The following VAT1L variants were observed in gnomAD, a reference collection of about 807,000 sequenced individuals.
VAT1L encodes the protein putative NADPH-dependent quinone oxidoreductase VAT1L.
VAT1L carries 34 observed loss-of-function variants against 44.1 expected under a neutral mutation model. The ratio of observed to expected loss-of-function variants is 0.77; its 90% CI spans 0.59 to 1.03. The LOEUF (loss-of-function observed/expected upper bound fraction) is 1.03. Among genes scored for constraint, VAT1L ranks in the 50% least tolerant of loss-of-function variants. The pLI is 0.00. For missense variants in VAT1L, 615 were observed against 538.8 expected, an observed-to-expected ratio of 1.14 and a Z score of -1.40; for synonymous variants, 253 against 202.2, an observed-to-expected ratio of 1.25 and a Z score of -2.13.
At chr16:77,956,226 A>T (rs930109565) in intron 7 of VAT1L, among the ~76,000 whole-genome samples, 1 of 152,132 alleles carries the variant, frequency 6.6e-6, no homozygotes, top group African/African-American at 2.4e-5. Flanking sequence ...CACAAAGATT[A>T]AAAATTTTAA....
chr16:77,809,205 T>C (rs1434374507), intron 1 of VAT1L, among the ~76,000 whole-genome samples: 2 of 152,198 alleles, frequency 1.3e-5, no homozygotes, highest in Admixed American at 6.5e-5. Context: ...GGGGGTAATA[T>C]TGTTGATCTC....
intron 7 of VAT1L, among the ~76,000 whole-genome samples, chr16:77,904,441 A>G (rs1047487293): frequency 6.6e-5 from 10 of 152,146 alleles, no homozygotes; most frequent in Admixed American, 6.5e-4. Context: ...GTGTCAGCTA[A>G]TTTGGTTCCT....
rs773515257 is a variant in VAT1L at position 77,977,659 on chromosome 16, C to A, written c.1224C>A (p.Asp408Glu). The A allele has an allele frequency of 1.2e-6, 2 of 1,613,958 alleles. No homozygotes were observed. The highest frequency in any genetic ancestry group is 2.7e-5 in the African/African-American group (2 of 74,914). The change falls in exon 9 of 9, where the codon GAC becomes GAA. Residue 408 changes from aspartate to glutamate, a missense_variant. Coordinates refer to ENST00000302536, the MANE Select transcript of VAT1L (RefSeq NM_020927.3). Reference protein sequence around the residue: ...AGEEEEDHEGDSENKERMPFI... With the variant: ...AGEEEEDHEGESENKERMPFI... The stretch of plus-strand genomic sequence containing the variant: ...AAGAGGAGGAGGACCACGAGGGAGA[C>A]AGCGAGAACAAGGAGCGGATGCCCT...
At chr16:77,839,263 C>T (rs1187548169) in intron 3 of VAT1L, among the ~76,000 whole-genome samples, 1 of 151,834 alleles carries the variant, frequency 6.6e-6, no homozygotes, top group East Asian at 1.9e-4. Flanking sequence ...CGGCCGGGCG[C>T]GATGGCTCAC....
chr16:77,869,805 C>T (rs978970992), intron 4 of VAT1L, among the ~76,000 whole-genome samples: 1 of 152,162 alleles, frequency 6.6e-6, no homozygotes, highest in African/African-American at 2.4e-5. Flanking sequence ...GAATCAAACT[C>T]CCGATCGAGG....
intron 7 of VAT1L, among the ~76,000 whole-genome samples, chr16:77,966,261 T>C (rs967438802): frequency 1.3e-5 from 2 of 152,302 alleles, no homozygotes; most frequent in East Asian, 3.9e-4. Flanking sequence ...GAGAGGCTGA[T>C]GTGTAACTTA....
intron 3 of VAT1L, among the ~76,000 whole-genome samples, chr16:77,830,203 A>C (rs1341580818): frequency 6.6e-6 from 1 of 152,170 alleles, no homozygotes; most frequent in East Asian, 1.9e-4. Flanking sequence ...AATGTAATCT[A>C]ATAGCATCAA....
rs997282799 is a variant in VAT1L, at chr16:77,979,871, C to T, written c.*2176C>T. 1.3e-5 allele frequency: 2 copies of T among 152,618 alleles called. No homozygotes were observed. Among genetic ancestry groups the T allele is most frequent in the Non-Finnish European group, 1.5e-5 (1 of 68,036 alleles). The allele number at this position is 152,618 out of a possible 1,614,324, so 9.5% of individuals were successfully genotyped here. On this transcript the variant is annotated 3_prime_UTR_variant, in exon 9 of 9. Coordinates refer to ENST00000302536, the MANE Select transcript of VAT1L (RefSeq NM_020927.3). ...GCAAGTTAATTGTTTAACGTACTCT[C>T]ATTTTAAGCACCTTCTTTCCTGTCT...
intron 7 of VAT1L, among the ~76,000 whole-genome samples, chr16:77,893,237 G>T (rs2017287258): frequency 6.6e-6 from 1 of 152,146 alleles, no homozygotes; most frequent in African/African-American, 2.4e-5. Flanking sequence ...GCAATTTTGG[G>T]GGCATGAATA....
At chr16:77,862,947 G>A (rs1282760960) in intron 4 of VAT1L, 57 bp downstream of exon 4, 9 of 1,565,398 alleles carry the variant, frequency 5.7e-6, no homozygotes, top group Admixed American at 3.9e-5. Context: ...CTCTCAAAGA[G>A]CAGTAGCACT....
In VAT1L at chr16:77,932,011, C is replaced by T. The variant is rs143842349; in HGVS notation, c.1078-39839C>T. ...TGCCTTGGATTTTCATTCATTCATC[C>T]ACGCCTGAGCATTTAGTTCATGGGA... On this transcript the variant is annotated intron_variant, in intron 7 of 8. Transcript: ENST00000302536. Among the ~76,000 whole-genome samples, 351 of 152,202 alleles carry T rather than the reference C, an allele frequency of 2.3e-3. 2 individuals carry two copies. Among genetic ancestry groups the T allele is most frequent in the African/African-American group, 8.0e-3 (332 of 41,514 alleles).
At chr16:77,802,072 C>A (rs2016066694) in intron 1 of VAT1L, among the ~76,000 whole-genome samples, 1 of 152,186 alleles carries the variant, frequency 6.6e-6, no homozygotes, top group African/African-American at 2.4e-5. Context: ...ACTACTACTT[C>A]ATAGGAAATG....
chr16:77,972,289 G>C (rs1400764678), intron 8 of VAT1L, among the ~76,000 whole-genome samples: 1 of 152,066 alleles, frequency 6.6e-6, no homozygotes, highest in African/African-American at 2.4e-5. Flanking sequence ...AGCTGCTTCC[G>C]AGATGCTCCC....
chr16:77,809,580 C>T (rs1281381771), intron 1 of VAT1L, among the ~76,000 whole-genome samples: 1 of 152,124 alleles, frequency 6.6e-6, no homozygotes, highest in Non-Finnish European at 1.5e-5. Context: ...CCAGGATGTG[C>T]ACTTTCAGAA....
intron 6 of VAT1L, among the ~76,000 whole-genome samples, chr16:77,881,858 G>A (rs2017158662): frequency 1.3e-5 from 2 of 152,210 alleles, no homozygotes; most frequent in Non-Finnish European, 2.9e-5. Context: ...AGACTGCTGT[G>A]GGTAACCACA....
chr16:77,965,097 A>AT (rs79543353), intron 7 of VAT1L, among the ~76,000 whole-genome samples: 17 of 151,290 alleles, frequency 1.1e-4, no homozygotes, highest in South Asian at 8.4e-4. Flanking sequence ...CCTGTAGCAC[A>AT]TTTTTTTTTA....
Position 77,979,651 on chromosome 16 carries a change from G to C in VAT1L, c.*1956G>C, listed in dbSNP as rs10514435. The stretch of plus-strand genomic sequence containing the variant: ...TCACATCGCCTTTGTTATGTCCAGA[G>C]GAGAGGCATAAAAAGGCACTCTCCC... On this transcript the variant is annotated 3_prime_UTR_variant, in exon 9 of 9. Coordinates refer to ENST00000302536, the MANE Select transcript of VAT1L (RefSeq NM_020927.3). 0.28 allele frequency: 42,208 copies of C among 151,980 alleles called. 6,347 individuals are homozygous for C. The highest frequency in any genetic ancestry group is 0.34 in the Middle Eastern group (101 of 294). 9.4% of individuals were successfully genotyped at this position (151,980 alleles called of 1,614,324 possible).
At chr16:77,864,571 A>G (rs1304083168) in intron 4 of VAT1L, among the ~76,000 whole-genome samples, 1 of 152,154 alleles carries the variant, frequency 6.6e-6, no homozygotes, top group Non-Finnish European at 1.5e-5. Context: ...ATGCCACTGC[A>G]CTCCAGCATG....
intron 3 of VAT1L, among the ~76,000 whole-genome samples, chr16:77,834,056 A>G (rs1450356618): frequency 6.6e-6 from 1 of 152,152 alleles, no homozygotes; most frequent in Non-Finnish European, 1.5e-5. Flanking sequence ...TGCAACCAGA[A>G]TGGTTCTCCA....
Sources: gnomAD v4.1 joint callset for allele counts (sites outside exome capture counted in the v4.1 genomes callset) on GRCh38, gnomAD v4.1.1 for gene constraint, MANE v1.5 for transcripts, NCBI Gene and HGNC (gene_info 2026-07-23, HGNC 2026-07-21) for gene names.